Variants in DENND6A observed in about 807,000 individuals in gnomAD.
DENND6A encodes protein DENND6A.
DENND6A carries 43 observed loss-of-function variants against 95.5 expected under a neutral mutation model. The observed-to-expected ratio is 0.45, with a 90% CI of 0.35 to 0.58. The LOEUF (loss-of-function observed/expected upper bound fraction) is 0.58. DENND6A is among the 20% of genes least tolerant of loss of function. The pLI is 0.00. For missense variants in DENND6A, 574 were observed against 736.0 expected (o/e 0.78, Z 2.55); for synonymous variants, 257 against 260.4 (o/e 0.99, Z 0.13).
chr3:57,667,468 T>C (rs114917089), intron 3 of DENND6A, among the ~76,000 whole-genome samples: 3,653 of 152,264 alleles, frequency 0.024, 67 homozygotes, highest in Non-Finnish European at 0.035. Flanking sequence ...TAAAATGTTA[T>C]TTTTATATTT....
intron 7 of DENND6A, 32 bp from the exon 8 acceptor site, chr3:57,659,212 A>G: frequency 6.2e-7 from 1 of 1,610,144 alleles, no homozygotes; most frequent in Non-Finnish European, 8.5e-7. Flanking sequence ...ATTTTTGGTT[A>G]TAAAAGAATG....
intron 1 of DENND6A, among the ~76,000 whole-genome samples, chr3:57,684,999 C>T (rs922824757): frequency 7.9e-5 from 12 of 152,068 alleles, no homozygotes; most frequent in African/African-American, 1.2e-4. Flanking sequence ...CTGCAACCTC[C>T]GCCTCCCTGG....
At chr3:57,636,404 T>C (rs1284339229) in intron 12 of DENND6A, among the ~76,000 whole-genome samples, 2 of 152,098 alleles carry the variant, frequency 1.3e-5, no homozygotes, top group Admixed American at 1.3e-4. Context: ...ATTCAGTAAA[T>C]ATTAAGTAAA....
chr3:57,674,591 T>G (rs1298108294), intron 1 of DENND6A, among the ~76,000 whole-genome samples: 1 of 152,140 alleles, frequency 6.6e-6, no homozygotes, highest in Non-Finnish European at 1.5e-5. Flanking sequence ...GGGCCCAAGA[T>G]CGTGCCACTG....
chr3:57,677,270 A>C (rs981467962), intron 1 of DENND6A, among the ~76,000 whole-genome samples: 3 of 152,218 alleles, frequency 2.0e-5, no homozygotes, highest in Non-Finnish European at 4.4e-5. Context: ...ACAGTGAAAG[A>C]CAGCAGGAAG....
intron 1 of DENND6A, among the ~76,000 whole-genome samples, chr3:57,689,013 G>A (rs2077236984): frequency 6.6e-6 from 1 of 152,014 alleles, no homozygotes; most frequent in Non-Finnish European, 1.5e-5. Flanking sequence ...AGGCTGGAGT[G>A]CAGTGGCCCG....
At chr3:57,679,043 G>A (rs958148003) in intron 1 of DENND6A, among the ~76,000 whole-genome samples, 1 of 152,238 alleles carries the variant, frequency 6.6e-6, no homozygotes, top group Non-Finnish European at 1.5e-5. Context: ...GGTGGAGGTT[G>A]CAGTGAGCCC....
intron 1 of DENND6A, among the ~76,000 whole-genome samples, chr3:57,691,515 A>ACTGGTT (rs1241305820): frequency 1.3e-5 from 2 of 152,134 alleles, no homozygotes; most frequent in African/African-American, 4.8e-5. Context: ...CTTAGTGGAA[A>ACTGGTT]CTTAATGTCG....
At chr3:57,663,582 T>C in intron 5 of DENND6A, 54 bp downstream of exon 5, 1 of 1,319,164 alleles carries the variant, frequency 7.6e-7, no homozygotes, top group South Asian at 1.5e-5. Flanking sequence ...CACTTTCTAT[T>C]TTTCTAATCA....
intron 11 of DENND6A, among the ~76,000 whole-genome samples, chr3:57,644,818 G>T (rs2071041505): frequency 1.2e-5 from 1 of 82,552 alleles, no homozygotes; most frequent in African/African-American, 4.9e-5. Flanking sequence ...GGGGAGGGGA[G>T]GGGGAAAGAC....
At position 57,628,132 on chromosome 3, in the gene DENND6A, A is replaced by C. The variant is rs1430617475; in HGVS notation, c.*82T>G. On this transcript the variant is annotated 3_prime_UTR_variant, in exon 20 of 20. Transcript: ENST00000311128. ...AATTTTCCACTCCGCTGCCACTGAG[A>C]GATCTCCTTTGTGCGTCTGGTTGAA... 8 of 1,536,998 alleles carry C rather than the reference A, an allele frequency of 5.2e-6. No homozygotes were observed. The highest frequency in any genetic ancestry group is 7.0e-6 in the Non-Finnish European group (8 of 1,141,112).
intron 1 of DENND6A, among the ~76,000 whole-genome samples, chr3:57,687,889 A>G (rs2077225452): frequency 6.6e-6 from 1 of 150,946 alleles, no homozygotes; most frequent in Non-Finnish European, 1.5e-5. Flanking sequence ...CCATGATTGC[A>G]TCACTGCACT....
chr3:57,646,405 C>CAGATA lies in DENND6A; in HGVS notation c.851_852insTATCT (p.Met284IlefsTer38), dbSNP rs1164443706. The CAGATA allele has an allele frequency of 6.2e-7, 1 of 1,613,826 alleles. No homozygotes were observed. The stretch of plus-strand genomic sequence containing the variant: ...CCCCCAACAGCACCAGCTCCCAGAG[C>CAGATA]ATCTGACTATGAAGGAAAACTGGGC... On this transcript the variant is annotated frameshift_variant, in exon 10 of 20. Coordinates refer to ENST00000311128, the MANE Select transcript of DENND6A (RefSeq NM_152678.3). LOFTEE classifies it high-confidence loss of function.
At chr3:57,677,482 CTAG>C (rs2071731726) in intron 1 of DENND6A, among the ~76,000 whole-genome samples, 2 of 124,376 alleles carry the variant, frequency 1.6e-5, no homozygotes, top group South Asian at 5.6e-4. Context: ...GTCACCAAGG[CTAG>C]AGTACAGTGG....
At chr3:57,653,943 T>G (rs906139413) in intron 9 of DENND6A, among the ~76,000 whole-genome samples, 8 of 108,126 alleles carry the variant, frequency 7.4e-5, no homozygotes, top group African/African-American at 2.3e-4. Flanking sequence ...GAAATTCACT[T>G]TTTTTTTTTT....
chr3:57,670,936 G>A lies in DENND6A; in HGVS notation c.319+1320C>T, dbSNP rs535818040. Among the ~76,000 whole-genome samples, 4 of 152,232 alleles carry A rather than the reference G, an allele frequency of 2.6e-5. No homozygotes were observed. In the South Asian group the frequency reaches 8.3e-4, roughly 32 times the overall value. On this transcript the variant is annotated intron_variant, in intron 3 of 19. Coordinates refer to ENST00000311128, the MANE Select transcript of DENND6A (RefSeq NM_152678.3). ...TATGTACAGATTTTATAAGAAAAAT[G>A]TTAACTGAAATGAAGATACATTCCT...
At chr3:57,679,316 C>A (rs900391284) in intron 1 of DENND6A, among the ~76,000 whole-genome samples, 1 of 152,250 alleles carries the variant, frequency 6.6e-6, no homozygotes. Flanking sequence ...CCTGCCCTCA[C>A]AGAAGGCAAC....
At chr3:57,663,151 CA>C (rs754194795) in intron 5 of DENND6A, among the ~76,000 whole-genome samples, 719 of 40,124 alleles carry the variant, frequency 0.018, 2 homozygotes, top group Middle Eastern at 0.053. Flanking sequence ...AACTCCATAT[CA>C]AAAAAAAAAA....
intron 9 of DENND6A, among the ~76,000 whole-genome samples, chr3:57,648,742 A>C (rs2071131846): frequency 6.6e-6 from 1 of 152,194 alleles, no homozygotes; most frequent in African/African-American, 2.4e-5. Context: ...TCTTCAACAA[A>C]GCAAACAAAA....
Sources: allele counts gnomAD v4.1 joint callset (sites outside exome capture counted in the v4.1 genomes callset), GRCh38; gene constraint gnomAD v4.1.1; transcripts MANE v1.5; gene names NCBI Gene and HGNC (gene_info 2026-07-23, HGNC 2026-07-21).